The following CCBE1 variants were observed in gnomAD, a reference collection of about 807,000 sequenced individuals.
CCBE1 encodes collagen and calcium binding EGF domains 1, also known as collagen and calcium-binding EGF domain-containing protein 1.
In CCBE1, 37 loss-of-function variants were observed where a neutral mutation model predicts 50.0. The observed-to-expected ratio is 0.74, with a 90% confidence interval of 0.57 to 0.97. The LOEUF (loss-of-function observed/expected upper bound fraction) is 0.97, where lower values mean the gene tolerates loss of function less well. CCBE1 is among the 50% of genes least tolerant of loss of function. The pLI is 0.00. For synonymous variants in CCBE1, 234 were observed against 203.7 expected (o/e 1.15, Z -1.27); for missense variants, 538 against 523.8 (o/e 1.03, Z -0.26).
chr18:59,572,295 GGTT>G (rs2052925896), intron 2 of CCBE1, among the ~76,000 whole-genome samples: 1 of 152,014 alleles, frequency 6.6e-6, no homozygotes, highest in Non-Finnish European at 1.5e-5. Flanking sequence ...AAATTTTATG[GGTT>G]TTTTTCCCCC....
chr18:59,649,056 G>A (rs147986131), intron 2 of CCBE1, among the ~76,000 whole-genome samples: 15 of 152,306 alleles, frequency 9.8e-5, no homozygotes, highest in African/African-American at 2.9e-4. Flanking sequence ...AGGAGAGGAC[G>A]ATTCAGTGGT....
At chr18:59,612,747 T>A (rs1174322783) in intron 2 of CCBE1, among the ~76,000 whole-genome samples, 1 of 151,646 alleles carries the variant, frequency 6.6e-6, no homozygotes, top group African/African-American at 2.4e-5. Context: ...AGACAATTCT[T>A]ACAACTGGCC....
chr18:59,456,310 G>A (rs1180507490), intron 5 of CCBE1, among the ~76,000 whole-genome samples: 1 of 152,214 alleles, frequency 6.6e-6, no homozygotes, highest in East Asian at 1.9e-4. Flanking sequence ...CTGATTCCCA[G>A]TGCTTTAGAA....
At chr18:59,524,913 A>AAACT (rs1914756638) in intron 2 of CCBE1, among the ~76,000 whole-genome samples, 1 of 152,188 alleles carries the variant, frequency 6.6e-6, no homozygotes, top group Non-Finnish European at 1.5e-5. Context: ...ATGTCCCTGC[A>AAACT]AACTACATGA....
chr18:59,445,279 C>A (rs1293433181), intron 7 of CCBE1, among the ~76,000 whole-genome samples: 1 of 152,114 alleles, frequency 6.6e-6, no homozygotes, highest in East Asian at 1.9e-4. Context: ...TGTTTTAACC[C>A]ATTTTAGATA....
intron 2 of CCBE1, among the ~76,000 whole-genome samples, chr18:59,585,706 C>A (rs2053169783): frequency 2.0e-5 from 3 of 152,204 alleles, no homozygotes; most frequent in Admixed American, 6.5e-5. Flanking sequence ...GCACCCTGAT[C>A]CACTCCTCAT....
intron 2 of CCBE1, among the ~76,000 whole-genome samples, chr18:59,659,737 A>T (rs1437139307): frequency 6.6e-6 from 1 of 152,200 alleles, no homozygotes; most frequent in Non-Finnish European, 1.5e-5. Flanking sequence ...ACATAGGTAG[A>T]GGAAATAGTA....
chr18:59,690,153 A>T (rs954949099), intron 2 of CCBE1, among the ~76,000 whole-genome samples: 3 of 152,120 alleles, frequency 2.0e-5, no homozygotes, highest in Non-Finnish European at 4.4e-5. Flanking sequence ...ATATATTCTA[A>T]ATGTCTAGAA....
chr18:59,693,294 G>C (rs1269995398), intron 2 of CCBE1, among the ~76,000 whole-genome samples: 1 of 152,110 alleles, frequency 6.6e-6, no homozygotes. Flanking sequence ...ATTATGTAAT[G>C]CAAAATTTTT....
intron 4 of CCBE1, among the ~76,000 whole-genome samples, chr18:59,469,183 A>G (rs1253948425): frequency 6.6e-6 from 1 of 152,108 alleles, no homozygotes; most frequent in Admixed American, 6.6e-5. Context: ...TTTTCTGACC[A>G]CTTATACTCT....
At chr18:59,535,372 G>A (rs1043469359) in intron 2 of CCBE1, among the ~76,000 whole-genome samples, 3 of 152,140 alleles carry the variant, frequency 2.0e-5, no homozygotes, top group Non-Finnish European at 4.4e-5. Context: ...ACCAAGACTG[G>A]CAGAAATGTA....
chr18:59,590,782 AG>A (rs2053253166), intron 2 of CCBE1, among the ~76,000 whole-genome samples: 1 of 152,246 alleles, frequency 6.6e-6, no homozygotes, highest in African/African-American at 2.4e-5. Context: ...GGTTTTAATA[AG>A]TTGTATTAGG....
At chr18:59,682,188 C>G (rs2054599037) in intron 2 of CCBE1, among the ~76,000 whole-genome samples, 1 of 152,166 alleles carries the variant, frequency 6.6e-6, no homozygotes, top group Non-Finnish European at 1.5e-5. Flanking sequence ...ATGGTGAAAC[C>G]CTGTCTCTAC....
chr18:59,593,149 A>G (rs2053298728), intron 2 of CCBE1, among the ~76,000 whole-genome samples: 1 of 152,150 alleles, frequency 6.6e-6, no homozygotes, highest in Non-Finnish European at 1.5e-5. Flanking sequence ...GTGGCCACAA[A>G]AGCATGTGAC....
intron 2 of CCBE1, among the ~76,000 whole-genome samples, chr18:59,587,666 C>T (rs758016561): frequency 5.3e-5 from 8 of 152,078 alleles, no homozygotes; most frequent in South Asian, 2.1e-4. Flanking sequence ...TCTAATCTAT[C>T]GCCACTCCTA....
chr18:59,609,849 T>C (rs887376213), intron 2 of CCBE1, among the ~76,000 whole-genome samples: 9 of 152,242 alleles, frequency 5.9e-5, no homozygotes, highest in Non-Finnish European at 4.4e-5. Flanking sequence ...TTCAAGATGA[T>C]TGGGTAAGTA....
chr18:59,604,855 G>A (rs573944602), intron 2 of CCBE1, among the ~76,000 whole-genome samples: 4 of 152,326 alleles, frequency 2.6e-5, no homozygotes, highest in Admixed American at 6.5e-5. Flanking sequence ...TGTATCATTT[G>A]TTCTTGGTCA....
rs551305982 is a variant in CCBE1 at position 59,628,695 on chromosome 18, T to C, written c.212+67934A>G. Among the ~76,000 whole-genome samples the C allele has an allele frequency of 2.4e-4, 36 of 152,258 alleles. 1 individual carries two copies. The highest frequency in any genetic ancestry group is 1.7e-3 in the Admixed American group (26 of 15,298). On this transcript the variant is annotated intron_variant, in intron 2 of 10. Coordinates refer to ENST00000439986, the MANE Select transcript of CCBE1 (RefSeq NM_133459.4). Reference sequence around the variant, plus strand: ...TAGCCTTGGGAAAGGGCTTCTTCATTCAAGTCAGCTCCTCACCCGAGGACC... The same window carrying C: ...TAGCCTTGGGAAAGGGCTTCTTCATCCAAGTCAGCTCCTCACCCGAGGACC...
intron 7 of CCBE1, among the ~76,000 whole-genome samples, chr18:59,444,271 G>A (rs942507108): frequency 6.6e-6 from 1 of 151,880 alleles, no homozygotes; most frequent in Non-Finnish European, 1.5e-5. Flanking sequence ...AATTCTTTGG[G>A]GTATATTCCC....
Sources: allele counts gnomAD v4.1 joint callset (sites outside exome capture counted in the v4.1 genomes callset), GRCh38; gene constraint gnomAD v4.1.1; transcripts MANE v1.5; gene names NCBI Gene and HGNC (gene_info 2026-07-23, HGNC 2026-07-21).